The following PHACTR3 variants were observed in gnomAD, a reference collection of about 807,000 sequenced individuals.
PHACTR3 encodes phosphatase and actin regulator 3.
Under a neutral mutation model 66.8 loss-of-function variants are expected in PHACTR3, and 16 were observed. The observed-to-expected ratio is 0.24, with a 90% CI of 0.16 to 0.36. The LOEUF is 0.36. PHACTR3 is among the 10% of genes least tolerant of loss of function. PHACTR3 has a pLI of 1.00. For missense variants in PHACTR3, 647 were observed against 719.9 expected, an observed-to-expected ratio of 0.90 and a Z score of 1.16; for synonymous variants, 323 against 292.1, an observed-to-expected ratio of 1.11 and a Z score of -1.08.
At chr20:59,823,778 G>A (rs1212262228) in intron 8 of PHACTR3, among the ~76,000 whole-genome samples, 2 of 152,122 alleles carry the variant, frequency 1.3e-5, no homozygotes, top group Non-Finnish European at 2.9e-5. Context: ...TTAGCAACTT[G>A]CCTCTACTGA....
At chr20:59,746,365 G>T (rs900266482) in intron 2 of PHACTR3, among the ~76,000 whole-genome samples, 1 of 152,174 alleles carries the variant, frequency 6.6e-6, no homozygotes, top group East Asian at 1.9e-4. Flanking sequence ...ACCTGTGCTG[G>T]CATCAGGCAG....
At chr20:59,632,807 ACTCT>A (rs1334465579) in intron 1 of PHACTR3, among the ~76,000 whole-genome samples, 1 of 151,176 alleles carries the variant, frequency 6.6e-6, no homozygotes, top group East Asian at 1.9e-4. Flanking sequence ...CCCTCACATC[ACTCT>A]CCCTCACCTG....
At position 59,806,178 on chromosome 20, in the gene PHACTR3, G is replaced by A; in HGVS notation, c.1312G>A (p.Glu438Lys). ...AAGACAGGAGATCCGGCAGCAGATC[G>A]AGATGAAGCTTTCCAAGTAAGTGGC... ...EERQEIRQQIEMKLSKRLSQR... is the reference protein window; with the variant it reads ...EERQEIRQQIKMKLSKRLSQR... Residue 438 changes from glutamate to lysine, a missense_variant, in exon 8 of 13, where the codon GAG (glutamate) becomes AAG (lysine). Glu to Lys is a moderately conservative substitution (Grantham distance 56). Coordinates refer to ENST00000371015, the MANE Select transcript of PHACTR3 (RefSeq NM_080672.5). 2 of 1,614,114 alleles carry A rather than the reference G, an allele frequency of 1.2e-6. No homozygotes were observed. The highest frequency in any genetic ancestry group is 8.5e-7 in the Non-Finnish European group (1 of 1,179,986).
rs1032673364 is a variant in PHACTR3 at position 59,830,999 on chromosome 20, A to G, written c.1329-5506A>G. Among the ~76,000 whole-genome samples, 2 of 151,980 alleles carry G rather than the reference A, an allele frequency of 1.3e-5. No homozygotes were observed. Among genetic ancestry groups the G allele is most frequent in the African/African-American group, 4.8e-5 (2 of 41,366 alleles). ...TGTCCAGGCTGTCGGCGGTCTCATCAGCTCCACCTCTAGGCCCCTTCCTCC... is the reference window on the plus strand; with the variant it reads ...TGTCCAGGCTGTCGGCGGTCTCATCGGCTCCACCTCTAGGCCCCTTCCTCC... On this transcript the variant is annotated intron_variant, in intron 8 of 12. Transcript: ENST00000371015. The surrounding 1 kb of genome is among the most constrained non-coding windows in gnomAD (Gnocchi z 5.8).
At chr20:59,651,887 G>A (rs926265396) in intron 1 of PHACTR3, among the ~76,000 whole-genome samples, 25 of 151,472 alleles carry the variant, frequency 1.7e-4, no homozygotes, top group Non-Finnish European at 2.8e-4. Flanking sequence ...GTAGATAGAC[G>A]GATAGATATG....
intron 1 of PHACTR3, among the ~76,000 whole-genome samples, chr20:59,621,247 T>C (rs944725669): frequency 2.6e-5 from 4 of 152,088 alleles, no homozygotes; most frequent in African/African-American, 9.7e-5. Flanking sequence ...TGCAGGTAGG[T>C]TATTTGTAGG....
chr20:59,733,708 G>T (rs1263333679), intron 1 of PHACTR3, among the ~76,000 whole-genome samples: 1 of 152,144 alleles, frequency 6.6e-6, no homozygotes, highest in African/African-American at 2.4e-5. Context: ...GTGCCCTGGG[G>T]TAATTATTTC....
At chr20:59,687,565 T>A (rs1447597595) in intron 1 of PHACTR3, among the ~76,000 whole-genome samples, 1 of 152,166 alleles carries the variant, frequency 6.6e-6, no homozygotes, top group East Asian at 1.9e-4. Context: ...GAGTGTGGAC[T>A]GAAGCCTCCG....
Position 59,800,383 on chromosome 20 carries a change from G to A in PHACTR3, c.1175-5658G>A, listed in dbSNP as rs558792551. Among the ~76,000 whole-genome samples, 46 of 152,130 alleles carry A rather than the reference G, an allele frequency of 3.0e-4. No individual in the cohort carries two copies. The Middle Eastern group carries it at 0.01, about 34-fold the overall frequency. Reference sequence around the variant, plus strand: ...TTCCAGCTTTTTTATGTCCAAGAAGGTACTTATTTTGTCTTTATTTTGAAA... The same window carrying A: ...TTCCAGCTTTTTTATGTCCAAGAAGATACTTATTTTGTCTTTATTTTGAAA... On this transcript the variant is annotated intron_variant, in intron 7 of 12. Transcript: ENST00000371015.
intron 8 of PHACTR3, among the ~76,000 whole-genome samples, chr20:59,825,502 C>T (rs1181076418): frequency 6.6e-6 from 1 of 152,160 alleles, no homozygotes; most frequent in African/African-American, 2.4e-5. Context: ...GGCTTGGTTC[C>T]AGGGCCCTGA....
Position 59,736,806 on chromosome 20 carries a change from C to A in PHACTR3, c.119-6301C>A, listed in dbSNP as rs1053122090. On this transcript the variant is annotated intron_variant, in intron 1 of 12. Transcript: ENST00000371015. The surrounding 1 kb of genome is among the most constrained non-coding windows in gnomAD (Gnocchi z 4.6). Reference sequence around the variant, plus strand: ...CTTGGGCGGAGAGTCATAGCTCTCACAAGCCCTCCCCTGGCACAGTCCTGG... The same window carrying A: ...CTTGGGCGGAGAGTCATAGCTCTCAAAAGCCCTCCCCTGGCACAGTCCTGG... Among the ~76,000 whole-genome samples, 5 of 152,150 alleles carry A rather than the reference C, an allele frequency of 3.3e-5. No homozygotes were observed. Among genetic ancestry groups the A allele is most frequent in the East Asian group, 1.9e-4 (1 of 5,176 alleles).
At chr20:59,665,632 T>A (rs2035958724) in intron 1 of PHACTR3, among the ~76,000 whole-genome samples, 1 of 152,002 alleles carries the variant, frequency 6.6e-6, no homozygotes, top group South Asian at 2.1e-4. Context: ...GGGTGCTGGT[T>A]GGAAATACTG....
chr20:59,605,852 G>GT (rs1568928991), intron 1 of PHACTR3, among the ~76,000 whole-genome samples: 2,032 of 127,470 alleles, frequency 0.016, 9 homozygotes, highest in Non-Finnish European at 0.026. Context: ...AAAGCGGGGG[G>GT]GGAGGTGGGG....
intron 1 of PHACTR3, among the ~76,000 whole-genome samples, chr20:59,668,378 A>T (rs1242130675): frequency 6.6e-6 from 1 of 152,114 alleles, no homozygotes; most frequent in Non-Finnish European, 1.5e-5. Flanking sequence ...GTACACCCGT[A>T]CGGGGTTAGA....
intron 2 of PHACTR3, among the ~76,000 whole-genome samples, chr20:59,744,121 G>C (rs2039276561): frequency 6.6e-6 from 1 of 152,232 alleles, no homozygotes; most frequent in African/African-American, 2.4e-5. Context: ...CCCAGCATTT[G>C]GCATGGAGGA....
chr20:59,642,949 T>A (rs541322484), intron 1 of PHACTR3, among the ~76,000 whole-genome samples: 9 of 152,280 alleles, frequency 5.9e-5, no homozygotes, highest in Admixed American at 5.9e-4. Context: ...TCTCACTCTG[T>A]CGCCCAGGCT....
chr20:59,844,712 T>G (rs2059120891), intron 11 of PHACTR3: 1 of 152,120 alleles, frequency 6.6e-6, no homozygotes, highest in South Asian at 2.1e-4. Flanking sequence ...AAAGAGAGGT[T>G]GGTTAACCAG....
chr20:59,620,941 C>T (rs573978918), intron 1 of PHACTR3, among the ~76,000 whole-genome samples: 1 of 152,322 alleles, frequency 6.6e-6, no homozygotes, highest in South Asian at 2.1e-4. Context: ...TTTACTTACA[C>T]TAGTGTGGAC....
chr20:59,754,009 T>C (rs2146815376), intron 3 of PHACTR3, among the ~76,000 whole-genome samples: 1 of 152,320 alleles, frequency 6.6e-6, no homozygotes, highest in South Asian at 2.1e-4. Context: ...TGTGTCGACA[T>C]GTGCAGGTCA....
Sources: gnomAD v4.1 joint callset for allele counts (sites outside exome capture counted in the v4.1 genomes callset) on GRCh38, gnomAD v4.1.1 for gene constraint, Gnocchi (gnomAD v3.1) non-coding constraint, MANE v1.5 for transcripts, NCBI Gene and HGNC (gene_info 2026-07-23, HGNC 2026-07-21) for gene names.